The following PLA2G4E variants were observed in gnomAD, a reference collection of about 807,000 sequenced individuals.
PLA2G4E encodes phospholipase A2 group IVE.
PLA2G4E carries 84 observed loss-of-function variants against 109.1 expected under a neutral mutation model. The observed-to-expected ratio is 0.77, with a 90% CI of 0.65 to 0.92. PLA2G4E has a LOEUF of 0.92. Ranked by LOEUF, PLA2G4E falls within the 40% of genes least tolerant of loss-of-function variation. The pLI, the probability that PLA2G4E is intolerant of heterozygous loss-of-function variation, is 0.00. For synonymous variants in PLA2G4E, 469 were observed against 436.1 expected (o/e 1.08, Z -0.94); for missense variants, 1,057 against 1,076.6 (o/e 0.98, Z 0.25).
intron 8 of PLA2G4E, 50 bp from the exon 9 acceptor site, chr15:42,000,050 AC>A (rs945002353): frequency 4.4e-6 from 7 of 1,573,112 alleles, no homozygotes; most frequent in African/African-American, 4.1e-5. Flanking sequence ...CTCCTCTGGC[AC>A]CCCCCACCTG....
At chr15:42,031,063 G>T (rs1237494063) in intron 1 of PLA2G4E, among the ~76,000 whole-genome samples, 1 of 152,026 alleles carries the variant, frequency 6.6e-6, no homozygotes, top group African/African-American at 2.4e-5. Context: ...GACCTCCCTG[G>T]CTCCAGTGAT....
intron 1 of PLA2G4E, among the ~76,000 whole-genome samples, chr15:42,040,437 T>A (rs543237372): frequency 6.6e-6 from 1 of 152,326 alleles, no homozygotes; most frequent in Admixed American, 6.5e-5. Flanking sequence ...TTAAAATAAA[T>A]TCCAGATGTA....
At chr15:42,042,667 G>A (rs1889336560) in intron 1 of PLA2G4E, among the ~76,000 whole-genome samples, 2 of 151,106 alleles carry the variant, frequency 1.3e-5, no homozygotes, top group African/African-American at 4.9e-5. Flanking sequence ...GTGGGGTCAG[G>A]CAAACCCACC....
rs969511168 is a variant in PLA2G4E, at chr15:41,986,382, C to T, written c.2036-377G>A. On this transcript the variant is annotated intron_variant, in intron 17 of 19. Coordinates refer to ENST00000399518, the Ensembl canonical transcript of PLA2G4E. ...AATATTAAGAAGGCGAAAGTCAATG[C>T]CTTAGGGCCTCAGCAGCAGAGGAGG... 2.0e-5 allele frequency among the ~76,000 whole-genome samples: 3 copies of T among 152,144 alleles called. No individual in the cohort carries two copies. The East Asian group carries it at 5.8e-4, about 29-fold the overall frequency.
At chr15:42,013,852 C>T in intron 1 of PLA2G4E, 95 bp from the exon 2 acceptor site, 1 of 890,080 alleles carries the variant, frequency 1.1e-6, no homozygotes, top group Non-Finnish European at 1.7e-6. Flanking sequence ...CTCAGGCCGG[C>T]CCAGTTGCAT....
intron 1 of PLA2G4E, among the ~76,000 whole-genome samples, chr15:42,027,571 G>C (rs1188248076): frequency 6.6e-6 from 1 of 152,184 alleles, no homozygotes; most frequent in Non-Finnish European, 1.5e-5. Context: ...CTACAGAAGA[G>C]CAAAAGTGAT....
intron 1 of PLA2G4E, among the ~76,000 whole-genome samples, chr15:42,030,622 T>C (rs575431310): frequency 6.6e-6 from 1 of 152,324 alleles, no homozygotes; most frequent in African/African-American, 2.4e-5. Flanking sequence ...CCTTCATTCA[T>C]TTCTTCACTT....
chr15:42,045,701 G>A (rs188986308), intron 1 of PLA2G4E, among the ~76,000 whole-genome samples: 75 of 152,242 alleles, frequency 4.9e-4, no homozygotes, highest in Admixed American at 1.1e-3. Context: ...CATCTGAAAG[G>A]TGGAAAACGG....
chr15:42,049,500 A>G (rs1444716459), intron 1 of PLA2G4E, among the ~76,000 whole-genome samples: 1 of 152,186 alleles, frequency 6.6e-6, no homozygotes, highest in South Asian at 2.1e-4. Context: ...TGGTCCCCCA[A>G]TATGGAGGAC....
In PLA2G4E at chr15:41,997,285, G is replaced by A. The variant is rs558260586; in HGVS notation, c.975-26C>T. On this transcript the variant is annotated intron_variant, in intron 10 of 19. Coordinates refer to ENST00000399518, the Ensembl canonical transcript of PLA2G4E. ...CTGGAGGGAGAGAGGACCCTGTATT[G>A]GGCCTGCAGCCTCTACCTCCCTGGA... The A allele has an allele frequency of 5.9e-5, 90 of 1,517,630 alleles. 1 individual carries two copies. In the East Asian group the frequency reaches 1.6e-3, roughly 27 times the overall value. 94.0% of individuals were successfully genotyped at this position (1,517,630 alleles called of 1,614,324 possible). A position where few individuals can be genotyped will look rare whatever the true frequency, so the allele number is the denominator to read the frequency against.
intron 1 of PLA2G4E, among the ~76,000 whole-genome samples, chr15:42,041,691 A>G (rs973417128): frequency 1.3e-5 from 2 of 152,176 alleles, no homozygotes; most frequent in African/African-American, 4.8e-5. Context: ...ATTGGGGTTT[A>G]CCTTATCAGA....
intron 1 of PLA2G4E, among the ~76,000 whole-genome samples, chr15:42,015,044 G>C (rs2068575639): frequency 6.6e-6 from 1 of 151,990 alleles, no homozygotes; most frequent in Admixed American, 6.6e-5. Context: ...TCACCTCCTG[G>C]GGGCTCTGCC....
intron 19 of PLA2G4E, 137 bp from the exon 20 acceptor site, chr15:41,984,111 C>G (rs1163940038): frequency 1.3e-5 from 10 of 792,930 alleles, no homozygotes; most frequent in Non-Finnish European, 2.0e-5. Flanking sequence ...CACACGCACA[C>G]CCTCACACAC....
intron 13 of PLA2G4E, among the ~76,000 whole-genome samples, chr15:41,992,496 C>G (rs1297762738): frequency 6.6e-6 from 1 of 152,252 alleles, no homozygotes; most frequent in African/African-American, 2.4e-5. Flanking sequence ...ACGTGCTGCC[C>G]TAGGCAGGTT....
intron 1 of PLA2G4E, among the ~76,000 whole-genome samples, chr15:42,050,084 G>A (rs1247301547): frequency 2.6e-5 from 4 of 152,194 alleles, no homozygotes; most frequent in South Asian, 4.1e-4. Context: ...TGCATGGTTC[G>A]AGAGCCTATG....
At chr15:42,033,380 T>G (rs1428395914) in intron 1 of PLA2G4E, among the ~76,000 whole-genome samples, 1 of 152,116 alleles carries the variant, frequency 6.6e-6, no homozygotes, top group African/African-American at 2.4e-5. Context: ...GCCACACTGT[T>G]GGTTTTAAGG....
At chr15:42,042,163 AAAAATCT>A (rs1402630479) in intron 1 of PLA2G4E, among the ~76,000 whole-genome samples, 2 of 152,246 alleles carry the variant, frequency 1.3e-5, no homozygotes, top group African/African-American at 4.8e-5. Flanking sequence ...AGCCATTTTC[AAAAATCT>A]GGTTTTTAAT....
chr15:42,037,308 G>A (rs1889234672), intron 1 of PLA2G4E, among the ~76,000 whole-genome samples: 1 of 152,202 alleles, frequency 6.6e-6, no homozygotes, highest in African/African-American at 2.4e-5. Flanking sequence ...GCTGCCCACG[G>A]ACCAATGTGC....
chr15:41,986,154 G>C, intron 17 of PLA2G4E, 149 bp from the exon 18 acceptor site: 1 of 740,106 alleles, frequency 1.4e-6, no homozygotes, highest in Non-Finnish European at 2.2e-6. Flanking sequence ...CCTCTGGGTG[G>C]CTGAGGAAGA....
Sources: allele counts gnomAD v4.1 joint callset (sites outside exome capture counted in the v4.1 genomes callset), GRCh38; gene constraint gnomAD v4.1.1; transcripts MANE v1.5; gene names NCBI Gene and HGNC (gene_info 2026-07-23, HGNC 2026-07-21).